The following SLC35B4 variants were observed in gnomAD, a reference collection of about 807,000 sequenced individuals.
SLC35B4 encodes solute carrier family 35 member B4.
SLC35B4 carries 28 observed loss-of-function variants against 39.5 expected under a neutral mutation model. That is an observed-to-expected ratio of 0.71 (90% CI 0.53 to 0.97). The LOEUF is 0.97. Among genes scored for constraint, SLC35B4 ranks in the 50% least tolerant of loss-of-function variants. The pLI, the probability that SLC35B4 is intolerant of heterozygous loss-of-function variation, is 0.00. For missense variants in SLC35B4, 334 were observed against 414.3 expected, an observed-to-expected ratio of 0.81 and a Z score of 1.68; for synonymous variants, 145 against 150.4, an observed-to-expected ratio of 0.96 and a Z score of 0.26.
At chr7:134,311,322 T>C (rs374797579) in intron 1 of SLC35B4, among the ~76,000 whole-genome samples, 70 of 152,332 alleles carry the variant, frequency 4.6e-4, no homozygotes, top group African/African-American at 1.6e-3. Context: ...CACGGTGCTT[T>C]GGAACTCGGG....
intron 2 of SLC35B4, among the ~76,000 whole-genome samples, chr7:134,308,966 TAAC>T (rs150606779): frequency 0.026 from 3,995 of 152,310 alleles, 115 homozygotes; most frequent in African/African-American, 0.067. Flanking sequence ...CAAAGTTATG[TAAC>T]TACTACCTCT....
intron 2 of SLC35B4, among the ~76,000 whole-genome samples, chr7:134,307,042 GTATT>G (rs1400691376): frequency 6.6e-6 from 1 of 152,152 alleles, no homozygotes; most frequent in Non-Finnish European, 1.5e-5. Flanking sequence ...TAAAATGATT[GTATT>G]GATTCTTTGT....
At chr7:134,312,235 T>C (rs1317576775) in intron 1 of SLC35B4, among the ~76,000 whole-genome samples, 1 of 152,114 alleles carries the variant, frequency 6.6e-6, no homozygotes, top group Admixed American at 6.5e-5. Context: ...TTCACTGTCG[T>C]AGTGAGTATT....
At chr7:134,319,371 T>C (rs1314531581), upstream of SLC35B4, among the ~76,000 whole-genome samples, 3 of 152,176 alleles carry the variant, frequency 2.0e-5, no homozygotes, top group African/African-American at 7.2e-5. Context: ...GAAAACCCAA[T>C]ATTTCTTGAC....
intron 4 of SLC35B4, among the ~76,000 whole-genome samples, chr7:134,304,327 G>A (rs1301711596): frequency 6.6e-6 from 1 of 150,380 alleles, no homozygotes; most frequent in Non-Finnish European, 1.5e-5. Flanking sequence ...GGAGGTGGAG[G>A]CTGCAGTGAG....
At chr7:134,297,212 C>T (rs557478132) in intron 8 of SLC35B4, among the ~76,000 whole-genome samples, 64 of 152,320 alleles carry the variant, frequency 4.2e-4, no homozygotes, top group African/African-American at 1.5e-3. Flanking sequence ...TGAGCCACTG[C>T]GCCTAGCCAA....
In SLC35B4 at chr7:134,309,433, AT is replaced by A; in HGVS notation, c.123del (p.Leu41PhefsTer23). On this transcript the variant is annotated frameshift_variant, in exon 2 of 10. Transcript: ENST00000378509. LOFTEE classifies it high-confidence loss of function. ...AAGAGGAAGCCTTCCACAGCAATAA[AT>A]AAAAATTGTGCAAATGTCACAATGT... ...CGNIVTFAQFLFIAVEGFLFE... is the reference protein window; with the variant it reads ...CGNIVTFAQFXFIAVEGFLFE... 1 of 1,611,828 alleles carries A rather than the reference AT, an allele frequency of 6.2e-7. No homozygotes were observed. The highest frequency in any genetic ancestry group is 8.5e-7 in the Non-Finnish European group (1 of 1,179,710).
intron 3 of SLC35B4, among the ~76,000 whole-genome samples, chr7:134,305,344 A>G (rs1196689860): frequency 2.6e-5 from 4 of 151,258 alleles, no homozygotes. Flanking sequence ...ACGTATATAT[A>G]TATATATTTA....
At chr7:134,313,346 AT>A (rs1803892770) in intron 1 of SLC35B4, among the ~76,000 whole-genome samples, 1 of 152,236 alleles carries the variant, frequency 6.6e-6, no homozygotes, top group African/African-American at 2.4e-5. Context: ...TGCCGTTTGC[AT>A]TTCTTTTGCT....
intron 3 of SLC35B4, among the ~76,000 whole-genome samples, chr7:134,305,598 C>T (rs1803689164): frequency 1.3e-5 from 2 of 152,132 alleles, no homozygotes; most frequent in South Asian, 4.1e-4. Flanking sequence ...TTATTTTTGT[C>T]AAAATTTCCA....
chr7:134,304,913 A>G, intron 3 of SLC35B4, 59 bp from the exon 4 acceptor site: 1 of 1,296,184 alleles, frequency 7.7e-7, no homozygotes, highest in Non-Finnish European at 1.1e-6. Flanking sequence ...AAACAACGTA[A>G]TTCGAGAGAA....
Position 134,296,435 on chromosome 7 carries a change from G to A in SLC35B4, c.705C>T (p.Thr235=). 1 of 1,613,940 alleles carries A rather than the reference G, an allele frequency of 6.2e-7. No individual in the cohort carries two copies. The highest frequency in any genetic ancestry group is 8.5e-7 in the Non-Finnish European group (1 of 1,179,912). ...GGAGGTAGAACCACATGATGGGCAGGGTCACTCCGATGACGGGAATTTCAT... is the reference window on the plus strand; with the variant it reads ...GGAGGTAGAACCACATGATGGGCAGAGTCACTCCGATGACGGGAATTTCAT... ...ELYEIPVIGV[T]LPIMWFYLLM... Residue 235 remains threonine (T), a synonymous_variant, in exon 9 of 10, where the codon ACC becomes ACT. Transcript: ENST00000378509.
intron 1 of SLC35B4, among the ~76,000 whole-genome samples, chr7:134,312,641 AAG>A (rs1320508585): frequency 6.6e-6 from 1 of 152,218 alleles, no homozygotes; most frequent in African/African-American, 2.4e-5. Flanking sequence ...AAAAGATAAA[AAG>A]AGATTTAAAA....
chr7:134,306,566 C>A, intron 3 of SLC35B4, 106 bp downstream of exon 3: 1 of 863,642 alleles, frequency 1.2e-6, no homozygotes, highest in Non-Finnish European at 1.8e-6. Context: ...ATTCTTCTAC[C>A]CAAGACCACT....
rs1803343188 is a variant in SLC35B4, at chr7:134,292,114, A to G, written c.*2719T>C. 1 of 154,844 alleles carries G rather than the reference A, an allele frequency of 6.5e-6. No individual in the cohort carries two copies. 9.6% of individuals were successfully genotyped at this position (154,844 alleles called of 1,614,324 possible). On this transcript the variant is annotated 3_prime_UTR_variant, in exon 10 of 10. Coordinates refer to ENST00000378509, the MANE Select transcript of SLC35B4 (RefSeq NM_032826.5). ...AAAATTACATGGTCTTGACCCAGAGAAAGAGGAGAGACATTTAATAGACAT... is the reference window on the plus strand; with the variant it reads ...AAAATTACATGGTCTTGACCCAGAGGAAGAGGAGAGACATTTAATAGACAT...
At position 134,293,467 on chromosome 7, in the gene SLC35B4, C is replaced by A. The variant is rs1186622966; in HGVS notation, c.*1366G>T. On this transcript the variant is annotated 3_prime_UTR_variant, in exon 10 of 10. Transcript: ENST00000378509. The stretch of plus-strand genomic sequence containing the variant: ...ACATCCAACCATCCTCAATACCCAT[C>A]GAGAATGCTAAGATACCTCATAGGA... 1 of 152,244 alleles carries A rather than the reference C, an allele frequency of 6.6e-6. No individual in the cohort carries two copies. The highest frequency in any genetic ancestry group is 1.5e-5 in the Non-Finnish European group (1 of 68,042). 9.4% of individuals were successfully genotyped at this position (152,244 alleles called of 1,614,324 possible). A position where few individuals can be genotyped will look rare whatever the true frequency, so the allele number is the denominator to read the frequency against.
intron 8 of SLC35B4, among the ~76,000 whole-genome samples, chr7:134,297,847 C>T (rs913391297): frequency 6.6e-6 from 1 of 152,324 alleles, no homozygotes; most frequent in African/African-American, 2.4e-5. Context: ...ACCAATCTAC[C>T]ATTCTGGGCA....
At position 134,316,718 on chromosome 7, in the gene SLC35B4, C is replaced by A; in HGVS notation, c.34G>T (p.Ala12Ser). ...AAGATCACGTTACTGCAGCAGCCTGCGAACACCAGGCCCACCGCCAAGGCC... is the reference window on the plus strand; with the variant it reads ...AAGATCACGTTACTGCAGCAGCCTGAGAACACCAGGCCCACCGCCAAGGCC... ...RPALAVGLVF[A>S]GCCSNVIFLE... The change falls in exon 1 of 10, where the codon GCA becomes TCA. Residue 12 changes from alanine (A) to serine (S), a missense_variant. By Grantham distance (99) the Ala-to-Ser change is moderately conservative. Coordinates refer to ENST00000378509, the MANE Select transcript of SLC35B4 (RefSeq NM_032826.5). The A allele has an allele frequency of 8.4e-6, 13 of 1,550,430 alleles. No homozygotes were observed. The highest frequency in any genetic ancestry group is 1.1e-5 in the Non-Finnish European group (13 of 1,146,772).
At chr7:134,305,278 G>A (rs183844550) in intron 3 of SLC35B4, among the ~76,000 whole-genome samples, 21 of 151,850 alleles carry the variant, frequency 1.4e-4, no homozygotes, top group Non-Finnish European at 2.5e-4. Flanking sequence ...AGCCAAGATC[G>A]CGCCATTGCA....
Sources: allele counts gnomAD v4.1 joint callset (sites outside exome capture counted in the v4.1 genomes callset), GRCh38; gene constraint gnomAD v4.1.1; transcripts MANE v1.5; gene names NCBI Gene and HGNC (gene_info 2026-07-23, HGNC 2026-07-21).